CFAP299: variants seen among roughly 807,000 people sequenced by gnomAD.
CFAP299 encodes the protein cilia- and flagella-associated protein 299.
CFAP299 carries 21 observed loss-of-function variants against 27.0 expected under a neutral mutation model. The ratio of observed to expected loss-of-function variants is 0.78; its 90% confidence interval spans 0.55 to 1.12. CFAP299 has a LOEUF of 1.12. CFAP299 is among the 50% of genes most tolerant of loss of function. The pLI is 0.00. For missense variants in CFAP299, 310 were observed against 276.6 expected (o/e 1.12, Z -0.86); for synonymous variants, 104 against 98.1 (o/e 1.06, Z -0.36).
At chr4:80,696,960 G>A (rs1721136457) in intron 3 of CFAP299, among the ~76,000 whole-genome samples, 1 of 152,144 alleles carries the variant, frequency 6.6e-6, no homozygotes, top group Non-Finnish European at 1.5e-5. Flanking sequence ...TGAAAAAGAT[G>A]TTCAGTGCAC....
intron 3 of CFAP299, among the ~76,000 whole-genome samples, chr4:80,827,882 C>A (rs1730070571): frequency 6.6e-6 from 1 of 151,912 alleles, no homozygotes; most frequent in Non-Finnish European, 1.5e-5. Context: ...AGAAAAATAT[C>A]CGTTGCATTT....
chr4:80,732,517 A>G (rs1723597566), intron 3 of CFAP299, among the ~76,000 whole-genome samples: 1 of 152,282 alleles, frequency 6.6e-6, no homozygotes, highest in East Asian at 1.9e-4. Context: ...AGTACATTCT[A>G]TTCTTTAATT....
At position 80,607,768 on chromosome 4, in the gene CFAP299, G is replaced by A. The variant is rs543489655; in HGVS notation, c.333+24585G>A. 1.2e-4 allele frequency among the ~76,000 whole-genome samples: 19 copies of A among 152,268 alleles called. No individual in the cohort carries two copies. The South Asian group carries it at 3.5e-3, about 28-fold the overall frequency. On this transcript the variant is annotated intron_variant, in intron 3 of 5. Transcript: ENST00000358105. ...GATTCAGAATAAAAAGGATTGTTTC[G>A]AGGGCTTGTATTATAATTTAAGTTG... is the stretch of plus-strand genomic sequence containing the variant.
chr4:80,409,628 G>A (rs1043520419), intron 2 of CFAP299, among the ~76,000 whole-genome samples: 7 of 152,018 alleles, frequency 4.6e-5, no homozygotes, highest in African/African-American at 7.2e-5. Context: ...TTTTTATTTC[G>A]TTTTCACAGC....
rs545397675 is a variant in CFAP299, at chr4:80,482,402, T to C, written c.243-100691T>C. 4.9e-4 allele frequency among the ~76,000 whole-genome samples: 74 copies of C among 152,268 alleles called. 1 individual carries two copies. Among genetic ancestry groups the C allele is most frequent in the African/African-American group, 1.7e-3 (71 of 41,560 alleles). On this transcript the variant is annotated intron_variant, in intron 2 of 5. Coordinates refer to ENST00000358105, the MANE Select transcript of CFAP299 (RefSeq NM_152770.3). ...ATACCATTCAACATTATAATTCTCC[T>C]AAGAAAGCTCTTAAGTTATCCAAGA...
intron 3 of CFAP299, 27 bp from the exon 4 acceptor site, chr4:80,869,964 TTG>T: frequency 6.4e-7 from 1 of 1,569,070 alleles, no homozygotes; most frequent in Non-Finnish European, 8.7e-7. Context: ...TTTTATATTT[TTG>T]TCTTATTCTC....
At chr4:80,420,433 C>T (rs1578423243) in intron 2 of CFAP299, 1 of 270,400 alleles carries the variant, frequency 3.7e-6, no homozygotes, top group Non-Finnish European at 7.6e-6. Flanking sequence ...ATCACCAACA[C>T]TTTTGTCTTT....
intron 3 of CFAP299, among the ~76,000 whole-genome samples, chr4:80,768,233 A>T (rs779463553): frequency 2.0e-5 from 3 of 152,180 alleles, no homozygotes; most frequent in Admixed American, 6.5e-5. Flanking sequence ...GATTTCACAG[A>T]TGTTCTCAAG....
At position 80,340,786 on chromosome 4, in the gene CFAP299, A is replaced by AT. The variant is rs111471993; in HGVS notation, c.111+4918dup. Among the ~76,000 whole-genome samples the AT allele has an allele frequency of 2.9e-3, 396 of 134,248 alleles. 1 individual carries two copies. The highest frequency in any genetic ancestry group is 0.011 in the African/African-American group (328 of 28,556). 88.1% of individuals were successfully genotyped at this position (134,248 alleles called of 152,430 possible). On this transcript the variant is annotated intron_variant, in intron 1 of 5. Coordinates refer to ENST00000358105, the MANE Select transcript of CFAP299 (RefSeq NM_152770.3). ...TAACACTCCTTTATTTTATTTTATT[A>AT]TTTTTTTTTTTGGAGTTTCACTCTT...
intron 2 of CFAP299, among the ~76,000 whole-genome samples, chr4:80,535,614 T>G (rs182339323): frequency 1.0e-3 from 158 of 151,056 alleles, no homozygotes; most frequent in African/African-American, 3.6e-3. Context: ...AGAGAAGACA[T>G]TAACATTAAA....
intron 4 of CFAP299, among the ~76,000 whole-genome samples, chr4:80,888,865 G>C (rs193173068): frequency 7.0e-4 from 107 of 151,836 alleles, no homozygotes; most frequent in Middle Eastern, 6.9e-3. Context: ...ATATGTTTCT[G>C]AATGACCAAT....
At chr4:80,344,061 A>G (rs1469249303) in intron 1 of CFAP299, among the ~76,000 whole-genome samples, 2 of 150,256 alleles carry the variant, frequency 1.3e-5, no homozygotes, top group Non-Finnish European at 3.0e-5. Context: ...TCTCAAGTTA[A>G]CAACCTGACA....
chr4:80,808,690 T>C (rs949996299), intron 3 of CFAP299, among the ~76,000 whole-genome samples: 5 of 152,142 alleles, frequency 3.3e-5, no homozygotes, highest in Non-Finnish European at 7.4e-5. Context: ...GTGCTGCACA[T>C]GTTAGGCATT....
At chr4:80,391,007 A>G (rs36190401) in intron 2 of CFAP299, among the ~76,000 whole-genome samples, 5,392 of 136,544 alleles carry the variant, frequency 0.039, 328 homozygotes, top group South Asian at 0.12. Flanking sequence ...ATATGTATGT[A>G]CACACATGTA....
In CFAP299 at chr4:80,473,794, G is replaced by A. The variant is rs1578485698; in HGVS notation, c.243-109299G>A. 3.3e-5 allele frequency among the ~76,000 whole-genome samples: 5 copies of A among 152,114 alleles called. No individual in the cohort carries two copies. In the East Asian group the frequency reaches 9.7e-4, roughly 29 times the overall value. On this transcript the variant is annotated intron_variant, in intron 2 of 5. Transcript: ENST00000358105. Reference sequence around the variant, plus strand: ...TTTTGTAGAGACAGGATCTCACTGTGTTTTCTAGGCTGGTTTCAAACTCCT... The same window carrying A: ...TTTTGTAGAGACAGGATCTCACTGTATTTTCTAGGCTGGTTTCAAACTCCT...
intron 2 of CFAP299, among the ~76,000 whole-genome samples, chr4:80,553,602 GA>G: frequency 6.6e-6 from 1 of 152,270 alleles, no homozygotes; most frequent in South Asian, 2.1e-4. Context: ...CACAGTGTTT[GA>G]ACTAATTTGC....
chr4:80,707,740 T>C (rs897882833), intron 3 of CFAP299, among the ~76,000 whole-genome samples: 3 of 152,082 alleles, frequency 2.0e-5, no homozygotes, highest in African/African-American at 7.2e-5. Context: ...AAATCAATTC[T>C]AGCGTACCAA....
At chr4:80,689,696 T>G (rs1720515247) in intron 3 of CFAP299, among the ~76,000 whole-genome samples, 1 of 152,084 alleles carries the variant, frequency 6.6e-6, no homozygotes, top group South Asian at 2.1e-4. Context: ...ATAACAATAT[T>G]AACTTTAAAT....
At chr4:80,446,980 A>T (rs553486919) in intron 2 of CFAP299, among the ~76,000 whole-genome samples, 1 of 152,236 alleles carries the variant, frequency 6.6e-6, no homozygotes, top group African/African-American at 2.4e-5. Flanking sequence ...CATAATCTCA[A>T]TCAACAAAAC....
Sources: gnomAD v4.1 joint callset for allele counts (sites outside exome capture counted in the v4.1 genomes callset) on GRCh38, gnomAD v4.1.1 for gene constraint, MANE v1.5 for transcripts, NCBI Gene and HGNC (gene_info 2026-07-23, HGNC 2026-07-21) for gene names.